Variants in WASHC2C observed in about 807,000 individuals in gnomAD.
The protein encoded by WASHC2C is WASH complex subunit 2C, also known as Vaccinia Penetration Factor.
In WASHC2C, 73 loss-of-function variants were observed where a neutral mutation model predicts 142.2. The observed-to-expected ratio is 0.51, with a 90% CI of 0.43 to 0.62. The LOEUF (loss-of-function observed/expected upper bound fraction) is 0.62. Ranked by LOEUF, WASHC2C falls within the 20% of genes least tolerant of loss-of-function variation. WASHC2C has a pLI of 0.00. For missense variants in WASHC2C, 969 were observed against 1,531.7 expected (o/e 0.63, Z 6.13); for synonymous variants, 337 against 565.5 (o/e 0.60, Z 5.73).
chr10:45,729,147 G>A, intron 3 of WASHC2C, 121 bp downstream of exon 3: 1 of 1,127,506 alleles, frequency 8.9e-7, no homozygotes, highest in Middle Eastern at 2.4e-4. Flanking sequence ...GGTAATTGTA[G>A]CTTTTTTCTC....
intron 18 of WASHC2C, among the ~76,000 whole-genome samples, chr10:45,765,428 T>A (rs1340299981): frequency 9.3e-5 from 14 of 150,080 alleles, no homozygotes; most frequent in African/African-American, 3.5e-4. Flanking sequence ...CATGATCTCA[T>A]TTGCATGTTG....
Position 45,727,268 on chromosome 10 carries a change from T to G in WASHC2C, c.-50T>G. Reference sequence around the variant, plus strand: ...GGGCTAGGCTTCCGGGGCTCTGCGGTCCTCGGCCTGTGCTGGCAGCCTCGG... The same window carrying G: ...GGGCTAGGCTTCCGGGGCTCTGCGGGCCTCGGCCTGTGCTGGCAGCCTCGG... On this transcript the variant is annotated 5_prime_UTR_variant, in exon 1 of 31. Coordinates refer to ENST00000623400, the MANE Select transcript of WASHC2C (RefSeq NM_001330074.2). 1.9e-6 allele frequency: 3 copies of G among 1,543,208 alleles called. No homozygotes were observed. Among genetic ancestry groups the G allele is most frequent in the South Asian group, 2.4e-5 (2 of 83,770 alleles).
intron 23 of WASHC2C, among the ~76,000 whole-genome samples, chr10:45,781,142 ATACT>A (rs1429296686): frequency 5.9e-5 from 9 of 152,044 alleles, no homozygotes; most frequent in African/African-American, 1.9e-4. Context: ...GAAGGGTAAA[ATACT>A]TAGGAGTAAA....
At chr10:45,755,315 T>G (rs1438236540) in intron 15 of WASHC2C, among the ~76,000 whole-genome samples, 200 bp downstream of exon 15, 1 of 152,310 alleles carries the variant, frequency 6.6e-6, no homozygotes, top group Non-Finnish European at 1.5e-5. Context: ...TTTTCTGCTC[T>G]GTAAGCTAAT....
At chr10:45,763,991 C>T (rs1394618408) in intron 18 of WASHC2C, among the ~76,000 whole-genome samples, 2 of 152,118 alleles carry the variant, frequency 1.3e-5, no homozygotes, top group African/African-American at 2.4e-5. Flanking sequence ...TGTGAGCCAC[C>T]GTGCCTGGCT....
chr10:45,743,317 G>A, intron 5 of WASHC2C, 73 bp from the exon 6 acceptor site: 1 of 1,584,240 alleles, frequency 6.3e-7, no homozygotes, highest in Non-Finnish European at 8.7e-7. Flanking sequence ...AGATGGAACA[G>A]GGTATCAGGT....
intron 3 of WASHC2C, among the ~76,000 whole-genome samples, chr10:45,731,319 C>G (rs1180016728): frequency 2.3e-5 from 3 of 131,582 alleles, no homozygotes; most frequent in Non-Finnish European, 4.8e-5. Context: ...CTCCCGTGTT[C>G]AAGCAATTCT....
chr10:45,777,482 C>T, intron 22 of WASHC2C, 57 bp downstream of exon 22: 4 of 1,612,908 alleles, frequency 2.5e-6, no homozygotes, highest in Admixed American at 1.7e-5. Context: ...TTGTTTCAAA[C>T]ACACCCAACC....
chr10:45,742,096 A>C (rs2052145671), intron 5 of WASHC2C, among the ~76,000 whole-genome samples: 1 of 151,576 alleles, frequency 6.6e-6, no homozygotes, highest in South Asian at 2.1e-4. Context: ...GCAACCGACC[A>C]ACCCTAAATT....
chr10:45,769,669 A>G, intron 20 of WASHC2C, 51 bp downstream of exon 20: 1 of 1,611,292 alleles, frequency 6.2e-7, no homozygotes. Context: ...TGGTAACAAG[A>G]AAAGGAATCT....
At chr10:45,784,283 TATATATAC>T (rs2057816861) in intron 23 of WASHC2C, among the ~76,000 whole-genome samples, 2 of 8,090 alleles carry the variant, frequency 2.5e-4, no homozygotes, top group African/African-American at 5.0e-4. Flanking sequence ...TATATATATA[TATATATAC>T]ACATATATAT....
chr10:45,773,442 A>C (rs2056783110), intron 21 of WASHC2C, 84 bp downstream of exon 21: 1 of 612,984 alleles, frequency 1.6e-6, no homozygotes, highest in Admixed American at 2.9e-5. Context: ...AGCTCTTCAT[A>C]CCTAACCTTG....
chr10:45,741,884 C>T (rs200396668), intron 5 of WASHC2C, among the ~76,000 whole-genome samples: 7 of 151,150 alleles, frequency 4.6e-5, no homozygotes, highest in East Asian at 3.9e-4. Flanking sequence ...GCTTCTGTCT[C>T]CTGGGTTCAA....
intron 28 of WASHC2C, among the ~76,000 whole-genome samples, chr10:45,787,738 G>T (rs1261607038): frequency 6.6e-6 from 1 of 152,024 alleles, no homozygotes; most frequent in Non-Finnish European, 1.5e-5. Flanking sequence ...AACACACATG[G>T]TCTGTTCTGC....
At chr10:45,730,908 G>C (rs1398307157) in intron 3 of WASHC2C, among the ~76,000 whole-genome samples, 1 of 151,518 alleles carries the variant, frequency 6.6e-6, no homozygotes, top group Admixed American at 6.6e-5. Flanking sequence ...CCTGAGCCAC[G>C]GCGCCCGGCA....
rs548619816 is a variant in WASHC2C, at chr10:45,769,699, C to T, written c.2039+81C>T. 3.6e-5 allele frequency: 58 copies of T among 1,597,808 alleles called. 1 individual carries two copies. Among genetic ancestry groups the T allele is most frequent in the South Asian group, 4.4e-5 (4 of 89,952 alleles). On this transcript the variant is annotated intron_variant, in intron 20 of 30. Coordinates refer to ENST00000623400, the MANE Select transcript of WASHC2C (RefSeq NM_001330074.2). ...GAATCTGATGCACAATCTAGTTCAT[C>T]GGGTGATTGCTAATCATGGATCACA... is the stretch of plus-strand genomic sequence containing the variant.
At chr10:45,761,556 G>T (rs372092394) in intron 17 of WASHC2C, among the ~76,000 whole-genome samples, 11 of 150,380 alleles carry the variant, frequency 7.3e-5, no homozygotes, top group South Asian at 4.2e-4. Flanking sequence ...AGATTCTGAG[G>T]CAAGGAGAAG....
At chr10:45,764,378 A>G (rs1461109650) in intron 18 of WASHC2C, among the ~76,000 whole-genome samples, 1 of 151,686 alleles carries the variant, frequency 6.6e-6, no homozygotes, top group African/African-American at 2.4e-5. Flanking sequence ...CTGAGAAAAC[A>G]TTTGTGTAGA....
intron 3 of WASHC2C, among the ~76,000 whole-genome samples, chr10:45,731,914 C>G (rs1171181557): frequency 1.3e-5 from 2 of 151,460 alleles, no homozygotes; most frequent in African/African-American, 4.9e-5. Context: ...CCTGCCTCAG[C>G]CTCCTGAGTA....
Sources: gnomAD v4.1 joint callset for allele counts (sites outside exome capture counted in the v4.1 genomes callset) on GRCh38, gnomAD v4.1.1 for gene constraint, MANE v1.5 for transcripts, NCBI Gene and HGNC (gene_info 2026-07-23, HGNC 2026-07-21) for gene names.